The following MAP2K1 variants were observed in gnomAD, a reference collection of about 807,000 sequenced individuals.
MAP2K1 encodes dual specificity mitogen-activated protein kinase kinase 1.
Under a neutral mutation model 46.3 loss-of-function variants are expected in MAP2K1, and 16 were observed. The observed-to-expected ratio is 0.35, with a 90% CI of 0.23 to 0.52. The LOEUF is 0.52. MAP2K1 is among the 20% of genes least tolerant of loss of function. The pLI is 0.94. For synonymous variants in MAP2K1, 183 were observed against 185.6 expected, an observed-to-expected ratio of 0.99 and a Z score of 0.11; for missense variants, 263 against 497.1, an observed-to-expected ratio of 0.53 and a Z score of 4.48.
At chr15:66,414,621 C>G (rs1223440246) in intron 1 of MAP2K1, among the ~76,000 whole-genome samples, 1 of 152,072 alleles carries the variant, frequency 6.6e-6, no homozygotes, top group Non-Finnish European at 1.5e-5. Context: ...TACTGGGGCC[C>G]CATTACATAG....
intron 5 of MAP2K1, among the ~76,000 whole-genome samples, chr15:66,480,563 C>CT (rs2140665262): frequency 6.6e-6 from 1 of 151,970 alleles, no homozygotes; most frequent in African/African-American, 2.4e-5. Flanking sequence ...TAGTGAGACT[C>CT]TGTGTCTAAA....
intron 8 of MAP2K1, 101 bp from the exon 9 acceptor site, chr15:66,489,114 T>A: frequency 1.1e-6 from 1 of 923,408 alleles, no homozygotes. Flanking sequence ...GAGAAGACTT[T>A]AAAAAAAAGT....
At chr15:66,404,953 C>T (rs954043788) in intron 1 of MAP2K1, among the ~76,000 whole-genome samples, 33 of 152,122 alleles carry the variant, frequency 2.2e-4, no homozygotes, top group Admixed American at 2.2e-3. Context: ...AAGAATTGAT[C>T]CTACTGCAAG....
In MAP2K1 at chr15:66,434,812, T is replaced by A. The variant is rs566301088; in HGVS notation, c.81-215T>A. Among the ~76,000 whole-genome samples, 5 of 152,280 alleles carry A rather than the reference T, an allele frequency of 3.3e-5. No individual in the cohort carries two copies. In the South Asian group the frequency reaches 1.0e-3, roughly 32 times the overall value. ...TTTTTCACTTTATAAATGAGGAAAT[T>A]GAAGCCCTGAGAGGTAAAGCATGTT... On this transcript the variant is annotated intron_variant, in intron 1 of 10. Coordinates refer to ENST00000307102, the MANE Select transcript of MAP2K1 (RefSeq NM_002755.4).
chr15:66,484,146 C>A (rs994162748), intron 6 of MAP2K1, among the ~76,000 whole-genome samples: 2 of 151,534 alleles, frequency 1.3e-5, no homozygotes, highest in Admixed American at 6.6e-5. Flanking sequence ...ACCACCCCCC[C>A]CCACCTTTTT....
chr15:66,483,498 T>A (rs1278163989), intron 6 of MAP2K1, among the ~76,000 whole-genome samples: 1 of 152,196 alleles, frequency 6.6e-6, no homozygotes. Flanking sequence ...GGTTATATGG[T>A]CAGTTACGAA....
At chr15:66,489,159 G>A in intron 8 of MAP2K1, 56 bp from the exon 9 acceptor site, 2 of 1,395,768 alleles carry the variant, frequency 1.4e-6, no homozygotes, top group South Asian at 2.3e-5. Context: ...GATGGGGAGA[G>A]GAGATGGCTG....
intron 1 of MAP2K1, among the ~76,000 whole-genome samples, chr15:66,408,136 A>G (rs902408522): frequency 1.3e-5 from 2 of 152,184 alleles, no homozygotes; most frequent in Non-Finnish European, 2.9e-5. Context: ...CTGTGTGTAA[A>G]CTGCTTTTTG....
chr15:66,411,291 G>A lies in MAP2K1; in HGVS notation c.81-23736G>A, dbSNP rs190710407. Among the ~76,000 whole-genome samples the A allele has an allele frequency of 2.6e-5, 4 of 152,088 alleles. No homozygotes were observed. The South Asian group carries it at 6.2e-4, about 24-fold the overall frequency. On this transcript the variant is annotated intron_variant, in intron 1 of 10. Coordinates refer to ENST00000307102, the MANE Select transcript of MAP2K1 (RefSeq NM_002755.4). ...ATTAGGTTGTAAATGACTATGGTAG[G>A]TACAGATGTCATGAATATACTAGGG...
chr15:66,401,828 A>G, intron 1 of MAP2K1: 1 of 543,822 alleles, frequency 1.8e-6, no homozygotes, highest in South Asian at 1.5e-5. Context: ...CGTGGCAGGA[A>G]GAGAGCACGG....
At chr15:66,435,319 G>A in intron 2 of MAP2K1, 82 bp downstream of exon 2, 12 of 1,118,444 alleles carry the variant, frequency 1.1e-5, no homozygotes, top group Non-Finnish European at 1.5e-5. Context: ...AAGGAAGACT[G>A]ATTTTACTCA....
rs781144142 is a variant in MAP2K1 at position 66,435,042 on chromosome 15, C to T, written c.96C>T (p.Ala32=). The change falls in exon 2 of 11, where the codon GCC becomes GCT. Residue 32 remains alanine (A), a synonymous_variant. Coordinates refer to ENST00000307102, the MANE Select transcript of MAP2K1 (RefSeq NM_002755.4). ...GTSSAETNLE[A]LQKKLEELEL... ...TTTGGAACAGGACCAACTTGGAGGC[C>T]TTGCAGAAGAAGCTGGAGGAGCTAG... The T allele has an allele frequency of 9.9e-6, 16 of 1,613,734 alleles. No individual in the cohort carries two copies. The highest frequency in any genetic ancestry group is 1.3e-5 in the African/African-American group (1 of 74,910).
chr15:66,448,598 C>T (rs1891942544), intron 5 of MAP2K1, among the ~76,000 whole-genome samples: 1 of 152,176 alleles, frequency 6.6e-6, no homozygotes, highest in East Asian at 1.9e-4. Context: ...GATTTCTGTC[C>T]ATGGCAGACT....
At chr15:66,428,747 T>A (rs2093466666) in intron 1 of MAP2K1, among the ~76,000 whole-genome samples, 1 of 151,082 alleles carries the variant, frequency 6.6e-6, no homozygotes, top group East Asian at 1.9e-4. Flanking sequence ...CAAAGATTAG[T>A]GTTGCCCTTT....
At chr15:66,407,479 C>A (rs2093400443) in intron 1 of MAP2K1, among the ~76,000 whole-genome samples, 1 of 152,186 alleles carries the variant, frequency 6.6e-6, no homozygotes. Flanking sequence ...GAAGTCACTG[C>A]ATGACCAACT....
At chr15:66,478,504 A>T (rs954904513) in intron 5 of MAP2K1, among the ~76,000 whole-genome samples, 2 of 144,702 alleles carry the variant, frequency 1.4e-5, no homozygotes, top group Admixed American at 7.1e-5. Context: ...ATATATATAT[A>T]TATTTTTTTT....
chr15:66,403,984 A>G (rs1043026338), intron 1 of MAP2K1, among the ~76,000 whole-genome samples: 1 of 152,204 alleles, frequency 6.6e-6, no homozygotes, highest in African/African-American at 2.4e-5. Context: ...ACTCAAATCC[A>G]GATAGAAATT....
intron 5 of MAP2K1, among the ~76,000 whole-genome samples, chr15:66,480,177 C>T (rs1215147365): frequency 1.3e-5 from 2 of 152,134 alleles, no homozygotes; most frequent in Non-Finnish European, 2.9e-5. Context: ...CAACCTCCTC[C>T]TCCCAGGTTC....
At chr15:66,461,030 G>T (rs890803893) in intron 5 of MAP2K1, among the ~76,000 whole-genome samples, 1 of 152,158 alleles carries the variant, frequency 6.6e-6, no homozygotes, top group African/African-American at 2.4e-5. Flanking sequence ...TGAGGCTGGG[G>T]CTGCCCTTTC....
Sources: gnomAD v4.1 joint callset for allele counts (sites outside exome capture counted in the v4.1 genomes callset) on GRCh38, gnomAD v4.1.1 for gene constraint, MANE v1.5 for transcripts, NCBI Gene and HGNC (gene_info 2026-07-23, HGNC 2026-07-21) for gene names.